Variants in LCA5 observed in about 807,000 individuals in gnomAD.
LCA5 encodes the protein lebercilin.
LCA5 carries 37 observed loss-of-function variants against 53.0 expected under a neutral mutation model. That is an observed-to-expected ratio of 0.70 (90% CI 0.54 to 0.92). The LOEUF (loss-of-function observed/expected upper bound fraction) is 0.92. Ranked by LOEUF, LCA5 falls within the 40% of genes least tolerant of loss-of-function variation. The pLI is 0.00. For missense variants in LCA5, 806 were observed against 790.5 expected (o/e 1.02, Z -0.23); for synonymous variants, 303 against 282.9 (o/e 1.07, Z -0.71).
intron 3 of LCA5, among the ~76,000 whole-genome samples, chr6:79,499,752 A>T (rs1386341479): frequency 2.7e-5 from 4 of 150,748 alleles, no homozygotes; most frequent in Admixed American, 1.3e-4. Context: ...TGTGCAGGTT[A>T]GTTACATATG....
chr6:79,488,857 C>T (rs971066980), intron 7 of LCA5: 2 of 574,146 alleles, frequency 3.5e-6, no homozygotes, highest in African/African-American at 3.7e-5. Flanking sequence ...TCCTTATTCC[C>T]TAACCCTAAA....
In LCA5 at chr6:79,510,395, T is replaced by C. The variant is rs1335095902; in HGVS notation, c.720+2817A>G. 2.0e-5 allele frequency among the ~76,000 whole-genome samples: 3 copies of C among 152,244 alleles called. 1 individual carries two copies. The East Asian group carries it at 5.8e-4, about 29-fold the overall frequency. ...GACTTAAGTGTAAAACCTAAAATCA[T>C]AACCATTTTATAAAACACCAAGTGG... On this transcript the variant is annotated intron_variant, in intron 3 of 7. Coordinates refer to ENST00000369846, the MANE Select transcript of LCA5 (RefSeq NM_001122769.3).
chr6:79,492,158 T>C (rs1466549958), intron 5 of LCA5, among the ~76,000 whole-genome samples: 1 of 152,026 alleles, frequency 6.6e-6, no homozygotes, highest in Non-Finnish European at 1.5e-5. Flanking sequence ...AGATTTACTT[T>C]ATAATACTCT....
chr6:79,513,174 T>C (rs1020268101), intron 3 of LCA5, 38 bp downstream of exon 3: 11 of 1,584,886 alleles, frequency 6.9e-6, no homozygotes, highest in East Asian at 2.2e-5. Context: ...ATGAGAAACA[T>C]CCCAAGAAAG....
At position 79,501,066 on chromosome 6, in the gene LCA5, T is replaced by C. The variant is rs185234645; in HGVS notation, c.721-7316A>G. Among the ~76,000 whole-genome samples, 807 of 152,276 alleles carry C rather than the reference T, an allele frequency of 5.3e-3. 11 individuals carry two copies. Among genetic ancestry groups the C allele is most frequent in the Non-Finnish European group, 5.1e-3 (344 of 68,000 alleles). On this transcript the variant is annotated intron_variant, in intron 3 of 7. Coordinates refer to ENST00000369846, the MANE Select transcript of LCA5 (RefSeq NM_001122769.3). ...GATTTTTTAAGTGGCCATACAATTA[T>C]AGGTTCATATACTTAAAAAATTACG... is the stretch of plus-strand genomic sequence containing the variant.
intron 1 of LCA5, among the ~76,000 whole-genome samples, chr6:79,523,547 T>C (rs1205688360): frequency 6.6e-6 from 1 of 152,270 alleles, no homozygotes; most frequent in Non-Finnish European, 1.5e-5. Flanking sequence ...TCAACAATTA[T>C]ATTAGCAATT....
intron 7 of LCA5, chr6:79,488,567 T>C (rs1769740942): frequency 6.2e-6 from 1 of 160,386 alleles, no homozygotes; most frequent in Admixed American, 6.3e-5. Flanking sequence ...GATAAATGTG[T>C]TGTGTCAAAG....
chr6:79,503,530 T>C (rs538730797), intron 3 of LCA5, among the ~76,000 whole-genome samples: 2 of 152,306 alleles, frequency 1.3e-5, no homozygotes, highest in South Asian at 2.1e-4. Context: ...CCAGGGGCCT[T>C]TCAAACTCAA....
chr6:79,502,157 C>T (rs1379636857), intron 3 of LCA5, among the ~76,000 whole-genome samples: 2 of 152,110 alleles, frequency 1.3e-5, no homozygotes, highest in Non-Finnish European at 2.9e-5. Flanking sequence ...CTCACTTCTC[C>T]TAGTCTTCCT....
chr6:79,501,669 C>T (rs989339260), intron 3 of LCA5, among the ~76,000 whole-genome samples: 2 of 150,696 alleles, frequency 1.3e-5, no homozygotes, highest in African/African-American at 2.4e-5. Context: ...TAGTTATATA[C>T]TATATTGTAT....
chr6:79,497,725 C>T (rs977055876), intron 3 of LCA5, among the ~76,000 whole-genome samples: 7 of 152,060 alleles, frequency 4.6e-5, no homozygotes, highest in African/African-American at 1.7e-4. Flanking sequence ...TGCCTGTAAT[C>T]CCACTTTGGG....
intron 3 of LCA5, among the ~76,000 whole-genome samples, chr6:79,498,719 T>TA (rs995330003): frequency 2.0e-5 from 3 of 151,962 alleles, no homozygotes; most frequent in African/African-American, 2.4e-5. Context: ...GAATTTTTTT[T>TA]AAAAATTAAA....
chr6:79,502,872 T>TTTTTG (rs945949889), intron 3 of LCA5, among the ~76,000 whole-genome samples: 3 of 151,954 alleles, frequency 2.0e-5, no homozygotes, highest in Non-Finnish European at 4.4e-5. Flanking sequence ...ATATGATTCT[T>TTTTTG]TTTTGTTTTG....
intron 3 of LCA5, among the ~76,000 whole-genome samples, chr6:79,509,403 G>A (rs368355651): frequency 2.0e-5 from 3 of 147,340 alleles, no homozygotes; most frequent in South Asian, 4.3e-4. Context: ...GCAGTGAGCC[G>A]AGATCATGTC....
rs185624943 is a variant in LCA5, at chr6:79,500,920, T to C, written c.721-7170A>G. Reference sequence around the variant, plus strand: ...CCTGGTTATCCTGTTTGCCTCCATATGTCAGTTTGTTACCTAAAATCTGGT... The same window carrying C: ...CCTGGTTATCCTGTTTGCCTCCATACGTCAGTTTGTTACCTAAAATCTGGT... On this transcript the variant is annotated intron_variant, in intron 3 of 7. Transcript: ENST00000369846. 2.6e-5 allele frequency among the ~76,000 whole-genome samples: 4 copies of C among 152,270 alleles called. No homozygotes were observed. The East Asian group carries it at 5.8e-4, about 22-fold the overall frequency.
intron 3 of LCA5, among the ~76,000 whole-genome samples, chr6:79,494,510 G>T (rs1240119844): frequency 1.3e-5 from 2 of 151,386 alleles, no homozygotes; most frequent in Non-Finnish European, 2.9e-5. Flanking sequence ...TAGATAGATA[G>T]ATAACAAATA....
chr6:79,491,546 C>T (rs768299387), intron 6 of LCA5, 42 bp downstream of exon 6: 4 of 1,605,558 alleles, frequency 2.5e-6, no homozygotes, highest in East Asian at 2.2e-5. Context: ...TTAGGAATAA[C>T]TTCAGACCGA....
chr6:79,511,854 T>A (rs2127678886), intron 3 of LCA5, among the ~76,000 whole-genome samples: 1 of 152,028 alleles, frequency 6.6e-6, no homozygotes, highest in South Asian at 2.1e-4. Context: ...GTCATATAAT[T>A]TACCTCCACG....
intron 1 of LCA5, among the ~76,000 whole-genome samples, chr6:79,521,838 T>C (rs886739136): frequency 3.7e-4 from 56 of 152,168 alleles, no homozygotes; most frequent in African/African-American, 1.3e-3. Context: ...TCTAAGAATA[T>C]AGCAACCTGG....
Sources: gnomAD v4.1 joint callset for allele counts (sites outside exome capture counted in the v4.1 genomes callset) on GRCh38, gnomAD v4.1.1 for gene constraint, MANE v1.5 for transcripts, NCBI Gene and HGNC (gene_info 2026-07-23, HGNC 2026-07-21) for gene names.